The following SHF variants were observed in gnomAD, a reference collection of about 807,000 sequenced individuals.
SHF encodes the protein Src homology 2 domain containing F, also known as SH2 domain-containing adapter protein F.
SHF carries 30 observed loss-of-function variants against 42.4 expected under a neutral mutation model. That is an observed-to-expected ratio of 0.71 (90% CI 0.53 to 0.96). The LOEUF (loss-of-function observed/expected upper bound fraction) is 0.96, where lower values mean the gene tolerates loss of function less well. Ranked by LOEUF, SHF falls within the 40% of genes least tolerant of loss-of-function variation. The pLI is 0.00. For missense variants in SHF, 598 were observed against 634.0 expected (o/e 0.94, Z 0.61); for synonymous variants, 264 against 269.9 (o/e 0.98, Z 0.21).
chr15:45,190,512 T>C (rs1316861539), upstream of SHF, among the ~76,000 whole-genome samples: 2 of 152,138 alleles, frequency 1.3e-5, no homozygotes, highest in African/African-American at 4.8e-5. Context: ...AGGGAGGTGA[T>C]GAATATGAAA....
exon 2 of SHF, chr15:45,198,928 C>T: frequency 6.2e-7 from 1 of 1,613,758 alleles, no homozygotes; most frequent in African/African-American, 1.3e-5. Context: ...GGGGAGACGG[C>T]GTGAGCATCC....
chr15:45,174,682 G>T (rs137863557), intron 3 of SHF, among the ~76,000 whole-genome samples: 8 of 152,246 alleles, frequency 5.3e-5, no homozygotes, highest in Non-Finnish European at 1.2e-4. Context: ...ACTTGGGATG[G>T]ACAGAAGAAA....
rs377607419 is a variant in SHF, at chr15:45,176,336, T to C, written c.641-911A>G. ...CCAGCCCTCACCATTATTTTGTCCT[T>C]CCTGACTATCTCGAATGCTAATATC... is the stretch of plus-strand genomic sequence containing the variant. On this transcript the variant is annotated intron_variant, in intron 2 of 6. Transcript: ENST00000690270. Among the ~76,000 whole-genome samples the C allele has an allele frequency of 9.2e-4, 138 of 150,382 alleles. 3 individuals are homozygous for C. The South Asian group carries it at 0.028, about 30-fold the overall frequency.
At chr15:45,178,857 A>G (rs1374610416) in intron 1 of SHF, among the ~76,000 whole-genome samples, 2 of 152,208 alleles carry the variant, frequency 1.3e-5, no homozygotes, top group East Asian at 3.9e-4. Context: ...TTTTCCACTA[A>G]TTTTGTGCCT....
intron 6 of SHF, chr15:45,170,613 C>A: frequency 3.1e-6 from 1 of 322,740 alleles, no homozygotes; most frequent in Admixed American, 4.4e-5. Context: ...GGTTACCTGA[C>A]TATAGTCCGG....
intron 1 of SHF, among the ~76,000 whole-genome samples, chr15:45,182,363 G>C (rs1898172922): frequency 6.6e-6 from 1 of 151,990 alleles, no homozygotes; most frequent in African/African-American, 2.4e-5. Context: ...TGTAGAAAAA[G>C]GATGGTAATA....
chr15:45,189,381 A>C, upstream of SHF, among the ~76,000 whole-genome samples: 10 of 116,936 alleles, frequency 8.6e-5, no homozygotes, highest in Admixed American at 2.8e-4. Context: ...TCCTAGGTTC[A>C]TGTCTGCCTT....
chr15:45,168,384 A>G (rs1897318779), intron 6 of SHF, among the ~76,000 whole-genome samples: 1 of 152,188 alleles, frequency 6.6e-6, no homozygotes, highest in East Asian at 1.9e-4. Context: ...GGGAGCATAC[A>G]GGGTGTGTGC....
chr15:45,195,558 T>C (rs1898839028), intron 2 of SHF, among the ~76,000 whole-genome samples: 1 of 151,764 alleles, frequency 6.6e-6, no homozygotes, highest in African/African-American at 2.4e-5. Flanking sequence ...ATTCTTTTAT[T>C]TAAAGTCTAT....
Position 45,178,278 on chromosome 15 carries a change from G to T in SHF, c.527C>A (p.Pro176Gln). Residue 176 changes from proline (P) to glutamine (Q), a missense_variant, in exon 2 of 7, where the codon CCG (proline) becomes CAG (glutamine). Transcript: ENST00000690270. ...RLAILEDYAD[P>Q]FDVQETGEGS... ...TTCGCCAGTCTCCTGAACATCAAACGGGTCCGCATAGTCTTCTAGGATAGC... is the reference window on the plus strand; with the variant it reads ...TTCGCCAGTCTCCTGAACATCAAACTGGTCCGCATAGTCTTCTAGGATAGC... 1.2e-6 allele frequency: 2 copies of T among 1,613,960 alleles called. No individual in the cohort carries two copies. The highest frequency in any genetic ancestry group is 1.7e-6 in the Non-Finnish European group (2 of 1,179,890).
At chr15:45,198,550 G>A in intron 2 of SHF, 1 of 527,260 alleles carries the variant, frequency 1.9e-6, no homozygotes, top group Non-Finnish European at 3.2e-6. Context: ...TATATAAAAT[G>A]TTACAAAAAA....
chr15:45,200,847 C>A (rs1899067323), exon 1 of SHF: 1 of 456,170 alleles, frequency 2.2e-6, no homozygotes, highest in African/African-American at 2.0e-5. Context: ...GCATGGTGAG[C>A]GTCAGAGAGA....
Position 45,175,464 on chromosome 15 carries a change from G to A in SHF, c.641-39C>T, listed in dbSNP as rs192603485. The A allele has an allele frequency of 2.0e-4, 310 of 1,547,976 alleles. 3 individuals are homozygous for A. The highest frequency in any genetic ancestry group is 1.7e-3 in the African/African-American group (122 of 73,104). On this transcript the variant is annotated intron_variant, in intron 2 of 6. Coordinates refer to ENST00000690270, the MANE Select transcript of SHF (RefSeq NM_001394037.1). ...GCAGGAAGGGAAAGGTGAGGGTTCA[G>A]CCTTGGCTTTCTGGCTCCCCTCCTC... is the stretch of plus-strand genomic sequence containing the variant.
intron 2 of SHF, among the ~76,000 whole-genome samples, chr15:45,195,020 T>C (rs974747918): frequency 2.6e-5 from 4 of 152,018 alleles, no homozygotes; most frequent in African/African-American, 9.7e-5. Flanking sequence ...TTTGCAGAGA[T>C]GAGGTCTCAC....
rs1205727417 is a variant in SHF, at chr15:45,168,025, G to A, written c.1389C>T (p.His463=). Residue 463 remains histidine (H), a synonymous_variant, in exon 7 of 7, where the codon CAC becomes CAT. Transcript: ENST00000690270. ...PFSSVPEIVH[H]YASRKLPIKG... The stretch of plus-strand genomic sequence containing the variant: ...TAATGGGTAGCTTGCGGCTGGCATA[G>A]TGGTGCACAATTTCAGGGACGCTGC... 2 of 1,613,648 alleles carry A rather than the reference G, an allele frequency of 1.2e-6. No homozygotes were observed. The highest frequency in any genetic ancestry group is 1.7e-6 in the Non-Finnish European group (2 of 1,179,750).
At chr15:45,188,443 T>C (rs1898590389), upstream of SHF, among the ~76,000 whole-genome samples, 2 of 152,178 alleles carry the variant, frequency 1.3e-5, no homozygotes, top group Non-Finnish European at 1.5e-5. Flanking sequence ...CTGTAAGATG[T>C]GTCTGTAAGC....
At chr15:45,172,995 G>A (rs75098712) in intron 4 of SHF, among the ~76,000 whole-genome samples, 6,231 of 152,240 alleles carry the variant, frequency 0.041, 460 homozygotes, top group African/African-American at 0.14. Context: ...GTGCACGTAC[G>A]GACAGACACC....
upstream of SHF, among the ~76,000 whole-genome samples, chr15:45,188,563 C>T (rs1010386823): frequency 6.6e-6 from 1 of 152,238 alleles, no homozygotes; most frequent in Admixed American, 6.5e-5. Context: ...ACACATCTCA[C>T]ATCACATACA....
chr15:45,199,971 AAAAAAAAAAAAAAAAAAAAAAAAG>A (rs562832872), intron 1 of SHF: 1 of 32,780 alleles, frequency 3.1e-5, no homozygotes, highest in African/African-American at 1.4e-4. Flanking sequence ...AAAAAAAAAA[AAAAAAAAAAAAAAAAAAAAAAAAG>A]ATTTTTCCTT....
Sources: gnomAD v4.1 joint callset for allele counts (sites outside exome capture counted in the v4.1 genomes callset) on GRCh38, gnomAD v4.1.1 for gene constraint, MANE v1.5 for transcripts, NCBI Gene and HGNC (gene_info 2026-07-23, HGNC 2026-07-21) for gene names.